Variants in DOK6 observed in about 807,000 individuals in gnomAD.
The protein encoded by DOK6 is downstream of tyrosine kinase 6.
Under a neutral mutation model 44.0 loss-of-function variants are expected in DOK6, and 22 were observed. That is an observed-to-expected ratio of 0.50 (90% CI 0.36 to 0.71). DOK6 has a LOEUF of 0.71. Among genes scored for constraint, DOK6 ranks in the 30% least tolerant of loss-of-function variants. The pLI is 0.00. For missense variants in DOK6, 340 were observed against 416.4 expected, an observed-to-expected ratio of 0.82 and a Z score of 1.60; for synonymous variants, 166 against 145.5, an observed-to-expected ratio of 1.14 and a Z score of -1.01.
At chr18:69,811,074 T>A (rs1981208337) in intron 7 of DOK6, among the ~76,000 whole-genome samples, 1 of 151,964 alleles carries the variant, frequency 6.6e-6, no homozygotes, top group South Asian at 2.1e-4. Context: ...AGATGACGAA[T>A]GGATAAAGAA....
intron 3 of DOK6, among the ~76,000 whole-genome samples, chr18:69,655,202 C>T (rs774312676): frequency 1.3e-5 from 2 of 151,306 alleles, no homozygotes; most frequent in Admixed American, 6.6e-5. Flanking sequence ...GACAAAAAAG[C>T]GAATTAGCAT....
chr18:69,838,961 A>ACTC (rs748965411), intron 7 of DOK6, among the ~76,000 whole-genome samples: 11 of 135,498 alleles, frequency 8.1e-5, no homozygotes, highest in Middle Eastern at 4.6e-3. Context: ...AGTCCCTCGA[A>ACTC]CTCCTCCCCA....
chr18:69,449,096 A>G (rs1369105049), intron 1 of DOK6, among the ~76,000 whole-genome samples: 2 of 152,210 alleles, frequency 1.3e-5, no homozygotes. Flanking sequence ...CTCTTTAGTA[A>G]TTGATAATCC....
In DOK6 at chr18:69,560,737, C is replaced by T. The variant is rs116939811; in HGVS notation, c.67-3750C>T. Among the ~76,000 whole-genome samples, 207 of 152,162 alleles carry T rather than the reference C, an allele frequency of 1.4e-3. 2 individuals are homozygous for T. The East Asian group carries it at 0.03, about 22-fold the overall frequency. On this transcript the variant is annotated intron_variant, in intron 1 of 7. Coordinates refer to ENST00000382713, the MANE Select transcript of DOK6 (RefSeq NM_152721.6). Reference sequence around the variant, plus strand: ...TTTATTGACTACCTTCTATGCACTGCGGCATGAGCTTTACATACTTAATTT... The same window carrying T: ...TTTATTGACTACCTTCTATGCACTGTGGCATGAGCTTTACATACTTAATTT...
intron 3 of DOK6, among the ~76,000 whole-genome samples, chr18:69,646,793 T>C (rs778955186): frequency 3.9e-5 from 6 of 152,162 alleles, no homozygotes; most frequent in Non-Finnish European, 8.8e-5. Context: ...CTCTTCCTTT[T>C]GATTCCCCAG....
chr18:69,728,625 GAA>G (rs34090517), intron 5 of DOK6, among the ~76,000 whole-genome samples: 4 of 143,618 alleles, frequency 2.8e-5, no homozygotes, highest in African/African-American at 7.6e-5. Context: ...TTAGTATACT[GAA>G]AAAAAAAAAA....
intron 1 of DOK6, chr18:69,483,834 C>A (rs9807226): frequency 6.6e-6 from 1 of 151,932 alleles, no homozygotes; most frequent in African/African-American, 2.4e-5. Context: ...TTAGTCTTTG[C>A]GGTTTTCTCA....
At chr18:69,478,082 T>C (rs914497582) in intron 1 of DOK6, among the ~76,000 whole-genome samples, 1 of 152,224 alleles carries the variant, frequency 6.6e-6, no homozygotes, top group Admixed American at 6.5e-5. Flanking sequence ...GTATTAATGT[T>C]CATTGCATTG....
chr18:69,498,814 G>T (rs1980969257), intron 1 of DOK6, among the ~76,000 whole-genome samples: 1 of 152,202 alleles, frequency 6.6e-6, no homozygotes, highest in Non-Finnish European at 1.5e-5. Flanking sequence ...GGGAAACATA[G>T]TGCCTGGCAC....
chr18:69,434,758 C>CA (rs1217671569), intron 1 of DOK6, among the ~76,000 whole-genome samples: 2 of 149,956 alleles, frequency 1.3e-5, no homozygotes, highest in Non-Finnish European at 3.0e-5. Context: ...CCTGTTTCTA[C>CA]AAAAAATACA....
At chr18:69,747,993 A>G (rs1979043468) in intron 6 of DOK6, among the ~76,000 whole-genome samples, 1 of 152,184 alleles carries the variant, frequency 6.6e-6, no homozygotes, top group Non-Finnish European at 1.5e-5. Flanking sequence ...GATTAAAGGG[A>G]GAGAACAATC....
intron 1 of DOK6, among the ~76,000 whole-genome samples, chr18:69,428,739 C>A (rs996796046): frequency 2.6e-5 from 4 of 152,152 alleles, no homozygotes; most frequent in Admixed American, 2.6e-4. Flanking sequence ...TTTCCAACAA[C>A]CTCTCTATTC....
At chr18:69,507,515 A>C (rs551559001) in intron 1 of DOK6, among the ~76,000 whole-genome samples, 61 of 152,244 alleles carry the variant, frequency 4.0e-4, no homozygotes, top group Non-Finnish European at 7.9e-4. Context: ...GAGTCTTCTA[A>C]AATATGAAGA....
chr18:69,666,998 C>G (rs1265971215), intron 3 of DOK6, among the ~76,000 whole-genome samples: 4 of 152,276 alleles, frequency 2.6e-5, no homozygotes, highest in Non-Finnish European at 4.4e-5. Context: ...AAGGACCCCC[C>G]CTCCCCGCCA....
chr18:69,566,285 C>T (rs1482749752), intron 2 of DOK6, among the ~76,000 whole-genome samples: 2 of 152,168 alleles, frequency 1.3e-5, no homozygotes, highest in African/African-American at 2.4e-5. Flanking sequence ...TACAGGCGCC[C>T]GCCACTGCAC....
At chr18:69,457,813 G>C (rs1216558186) in intron 1 of DOK6, among the ~76,000 whole-genome samples, 2 of 152,112 alleles carry the variant, frequency 1.3e-5, no homozygotes, top group Non-Finnish European at 2.9e-5. Flanking sequence ...AGATTTATTT[G>C]AGCAGCATTT....
chr18:69,749,456 TTGA>T (rs1424700003), intron 6 of DOK6, among the ~76,000 whole-genome samples: 6 of 152,226 alleles, frequency 3.9e-5, no homozygotes, highest in South Asian at 4.2e-4. Flanking sequence ...ACAGAATCTC[TTGA>T]TGATGAAAAA....
At chr18:69,525,680 T>C (rs1437608301) in intron 1 of DOK6, among the ~76,000 whole-genome samples, 2 of 151,804 alleles carry the variant, frequency 1.3e-5, no homozygotes, top group African/African-American at 4.8e-5. Flanking sequence ...GAGTGAATAT[T>C]TTGGACTTTA....
chr18:69,847,069 G>A lies in DOK6; in HGVS notation c.*5686G>A, dbSNP rs1982360583. The A allele has an allele frequency of 6.6e-6, 1 of 151,936 alleles. No individual in the cohort carries two copies. Among genetic ancestry groups the A allele is most frequent in the South Asian group, 2.1e-4 (1 of 4,808 alleles). The allele number at this position is 151,936 out of a possible 1,614,324, so 9.4% of individuals were successfully genotyped here. On this transcript the variant is annotated 3_prime_UTR_variant, in exon 8 of 8. Coordinates refer to ENST00000382713, the MANE Select transcript of DOK6 (RefSeq NM_152721.6). ...ATCTTGTAAATATTAATATTTGAAG[G>A]GGAGAGGAAAAATACATTTGTAGTA...
Sources: gnomAD v4.1 joint callset for allele counts (sites outside exome capture counted in the v4.1 genomes callset) on GRCh38, gnomAD v4.1.1 for gene constraint, MANE v1.5 for transcripts, NCBI Gene and HGNC (gene_info 2026-07-23, HGNC 2026-07-21) for gene names.